SEMA3A: variants seen among roughly 807,000 people sequenced by gnomAD.
SEMA3A encodes semaphorin-3A.
A neutral mutation model predicts 97.9 loss-of-function variants in SEMA3A; 29 were observed. That is an observed-to-expected ratio of 0.30 (90% CI 0.22 to 0.40). The LOEUF (loss-of-function observed/expected upper bound fraction) is 0.40, where lower values mean the gene tolerates loss of function less well. Ranked by LOEUF, SEMA3A falls within the 10% of genes least tolerant of loss-of-function variation. The pLI, the probability that SEMA3A is intolerant of heterozygous loss-of-function variation, is 1.00. For missense variants in SEMA3A, 763 were observed against 951.3 expected (o/e 0.80, Z 2.60); for synonymous variants, 321 against 323.7 (o/e 0.99, Z 0.09).
chr7:84,207,111 C>A (rs939786897), intron 3 of SEMA3A, among the ~76,000 whole-genome samples: 1 of 152,198 alleles, frequency 6.6e-6, no homozygotes, highest in Non-Finnish European at 1.5e-5. Context: ...GTGCATATTT[C>A]ATGAATATAT....
intron 2 of SEMA3A, among the ~76,000 whole-genome samples, chr7:84,313,481 A>C (rs528417118): frequency 8.2e-5 from 12 of 146,628 alleles, no homozygotes; most frequent in African/African-American, 3.0e-4. Context: ...CTATTTTGGA[A>C]CCTTCCTAAT....
At chr7:84,066,174 T>C (rs1213215296) in intron 4 of SEMA3A, among the ~76,000 whole-genome samples, 3 of 151,886 alleles carry the variant, frequency 2.0e-5, no homozygotes, top group South Asian at 2.1e-4. Context: ...AAAAACCACA[T>C]GATTATCGCA....
chr7:84,406,540 C>T (rs1164006037), intron 1 of SEMA3A, among the ~76,000 whole-genome samples: 1 of 152,156 alleles, frequency 6.6e-6, no homozygotes, highest in Non-Finnish European at 1.5e-5. Context: ...TCCTCCCTAA[C>T]TCATTTTATG....
chr7:84,477,073 A>ATATATAT (rs1554394128), intron 1 of SEMA3A, among the ~76,000 whole-genome samples: 2 of 140,570 alleles, frequency 1.4e-5, no homozygotes, highest in African/African-American at 5.3e-5. Flanking sequence ...AAAAAAAAAA[A>ATATATAT]ATATATATAT....
At position 83,960,140 on chromosome 7, in the gene SEMA3A, T is replaced by C. The variant is rs1584478766; in HGVS notation, c.*1231A>G. 2 of 152,052 alleles carry C rather than the reference T, an allele frequency of 1.3e-5. No homozygotes were observed. The highest frequency in any genetic ancestry group is 4.8e-5 in the African/African-American group (2 of 41,442). 9.4% of individuals were successfully genotyped at this position (152,052 alleles called of 1,614,324 possible). A position where few individuals can be genotyped will look rare whatever the true frequency, so the allele number is the denominator to read the frequency against. ...ATGTTGCTCTGAATAGTTATTGATC[T>C]CTCTCTTTTAAAAAAATTAAGTGAC... is the stretch of plus-strand genomic sequence containing the variant. On this transcript the variant is annotated 3_prime_UTR_variant, in exon 17 of 17. Coordinates refer to ENST00000265362, the MANE Select transcript of SEMA3A (RefSeq NM_006080.3).
At chr7:84,406,792 G>A (rs1804103334) in intron 1 of SEMA3A, among the ~76,000 whole-genome samples, 1 of 152,106 alleles carries the variant, frequency 6.6e-6, no homozygotes, top group African/African-American at 2.4e-5. Context: ...CAGAACCAAA[G>A]ACAAAAACCA....
chr7:84,455,275 T>C (rs1298490660), intron 1 of SEMA3A, among the ~76,000 whole-genome samples: 2 of 151,928 alleles, frequency 1.3e-5, no homozygotes, highest in Non-Finnish European at 1.5e-5. Context: ...TTAAAATAAA[T>C]ATAGTTTCAC....
upstream of SEMA3A, among the ~76,000 whole-genome samples, chr7:84,196,353 TTCTCTCTCTC>T (rs60887913): frequency 2.4e-4 from 36 of 149,252 alleles, no homozygotes; most frequent in East Asian, 3.0e-3. Flanking sequence ...TCGCTCTGCT[TTCTCTCTCTC>T]TCTCTCTCTC....
chr7:84,079,479 C>T lies in SEMA3A; in HGVS notation c.454-18921G>A, dbSNP rs1384296812. 4.0e-5 allele frequency among the ~76,000 whole-genome samples: 6 copies of T among 151,654 alleles called. No individual in the cohort carries two copies. In the South Asian group the frequency reaches 1.1e-3, roughly 27 times the overall value. On this transcript the variant is annotated intron_variant, in intron 4 of 16. Transcript: ENST00000265362. ...CTGACAAAAGGCTAATATCCAGAATCTACAATGAACTCAAACAAATTTACA... is the reference window on the plus strand; with the variant it reads ...CTGACAAAAGGCTAATATCCAGAATTTACAATGAACTCAAACAAATTTACA...
chr7:83,991,400 T>G (rs1294437912), intron 12 of SEMA3A, among the ~76,000 whole-genome samples: 1 of 151,476 alleles, frequency 6.6e-6, no homozygotes, highest in East Asian at 2.0e-4. Context: ...CTTGTGCCAG[T>G]TTTCAAAGGG....
chr7:84,451,614 T>C (rs772349703), intron 1 of SEMA3A, among the ~76,000 whole-genome samples: 5 of 152,286 alleles, frequency 3.3e-5, no homozygotes, highest in Non-Finnish European at 7.4e-5. Flanking sequence ...GCTCTCTTGT[T>C]TATAAAGCCT....
chr7:84,042,548 G>A (rs1792174123), intron 6 of SEMA3A, among the ~76,000 whole-genome samples: 1 of 152,114 alleles, frequency 6.6e-6, no homozygotes, highest in East Asian at 1.9e-4. Flanking sequence ...TGGGATAAAG[G>A]ATACTCAGAT....
intron 1 of SEMA3A, among the ~76,000 whole-genome samples, chr7:84,173,309 A>C (rs1202091637): frequency 6.6e-6 from 1 of 151,948 alleles, no homozygotes; most frequent in Non-Finnish European, 1.5e-5. Flanking sequence ...TAATCCCAGC[A>C]CTTTGGGAGG....
chr7:83,985,505 T>G, intron 12 of SEMA3A, 28 bp from the exon 13 acceptor site: 1 of 1,597,284 alleles, frequency 6.3e-7, no homozygotes, highest in Non-Finnish European at 8.6e-7. Context: ...ATATGTGAGG[T>G]GTTTGGTCAA....
chr7:84,160,530 C>G (rs1440750160), intron 1 of SEMA3A, among the ~76,000 whole-genome samples: 1 of 151,334 alleles, frequency 6.6e-6, no homozygotes, highest in Non-Finnish European at 1.5e-5. Flanking sequence ...GCCTGGGTGA[C>G]AGAGTGAGAC....
intron 1 of SEMA3A, among the ~76,000 whole-genome samples, chr7:84,154,952 C>A (rs1479151454): frequency 1.3e-5 from 2 of 151,844 alleles, no homozygotes; most frequent in African/African-American, 2.4e-5. Context: ...TGGTTTATTT[C>A]GAGGCCAATT....
At chr7:84,284,326 AG>A (rs1278527901) in intron 3 of SEMA3A, among the ~76,000 whole-genome samples, 2 of 152,182 alleles carry the variant, frequency 1.3e-5, no homozygotes, top group Admixed American at 6.6e-5. Context: ...TGACAGTCAA[AG>A]GATTCGATTA....
chr7:84,250,044 A>G (rs989269478), intron 3 of SEMA3A, among the ~76,000 whole-genome samples: 3 of 151,856 alleles, frequency 2.0e-5, no homozygotes, highest in African/African-American at 7.2e-5. Flanking sequence ...CTAATCCAAA[A>G]TTATAGACTT....
At chr7:84,189,791 C>A (rs991075518) in intron 1 of SEMA3A, among the ~76,000 whole-genome samples, 1 of 151,434 alleles carries the variant, frequency 6.6e-6, no homozygotes, top group African/African-American at 2.4e-5. Flanking sequence ...CCATGAAATA[C>A]ATTAAATCTT....
Sources: allele counts gnomAD v4.1 joint callset (sites outside exome capture counted in the v4.1 genomes callset), GRCh38; gene constraint gnomAD v4.1.1; transcripts MANE v1.5; gene names NCBI Gene and HGNC (gene_info 2026-07-23, HGNC 2026-07-21).